Variants in SIPA1 observed in about 807,000 individuals in gnomAD.
SIPA1 encodes the protein signal-induced proliferation-associated 1.
SIPA1 carries 51 observed loss-of-function variants against 88.1 expected under a neutral mutation model. The ratio of observed to expected loss-of-function variants is 0.58; its 90% confidence interval spans 0.46 to 0.73. SIPA1 has a LOEUF of 0.73. SIPA1 is among the 30% of genes least tolerant of loss of function. The pLI, the probability that SIPA1 is intolerant of heterozygous loss-of-function variation, is 0.00. For synonymous variants in SIPA1, 681 were observed against 664.8 expected, an observed-to-expected ratio of 1.02 and a Z score of -0.37; for missense variants, 1,348 against 1,467.6, an observed-to-expected ratio of 0.92 and a Z score of 1.33.
intron 2 of SIPA1, 138 bp downstream of exon 2, chr11:65,641,738 C>G (rs1167328795): frequency 1.2e-6 from 1 of 809,352 alleles, no homozygotes; most frequent in Non-Finnish European, 1.9e-6. Flanking sequence ...AAGAGCTGAG[C>G]TGGGGTCCTC....
In SIPA1 at chr11:65,646,771, C is replaced by A; in HGVS notation, c.1737C>A (p.Gly579=). ...RGPGAELQAA[G]SLVWGVRAAP... is the part of the protein sequence containing the mutation. Reference sequence around the variant, plus strand: ...CAGGCGCCGAGCTGCAGGCAGCGGGCTCACTGGTGTGGGGAGTGCGCGCGG... The same window carrying A: ...CAGGCGCCGAGCTGCAGGCAGCGGGATCACTGGTGTGGGGAGTGCGCGCGG... Residue 579 remains glycine, a synonymous_variant, in exon 8 of 16, where the codon GGC becomes GGA. Transcript: ENST00000534313. This position sits in a 1 kb window ranked among gnomAD's most constrained non-coding sequence, Gnocchi z 7.5. 2 of 1,481,484 alleles carry A rather than the reference C, an allele frequency of 1.3e-6. No individual in the cohort carries two copies. The highest frequency in any genetic ancestry group is 1.8e-6 in the Non-Finnish European group (2 of 1,123,626). The allele number at this position is 1,481,484 out of a possible 1,614,324, so 91.8% of individuals were successfully genotyped here.
chr11:65,647,705 C>T (rs1265010532), intron 9 of SIPA1, 47 bp downstream of exon 9: 5 of 1,294,580 alleles, frequency 3.9e-6, no homozygotes, highest in Non-Finnish European at 4.9e-6. Flanking sequence ...GGCAGTTGGC[C>T]ACCGCGCAGT....
Position 65,649,686 on chromosome 11 carries a change from A to G in SIPA1, c.2637+14A>G. On this transcript the variant is annotated intron_variant, in intron 11 of 15. Coordinates refer to ENST00000534313, the MANE Select transcript of SIPA1 (RefSeq NM_006747.4). ...CCCCTGACCCAGGTGAGCAGAAACCAGGCTCTGGAGCCCAACAGCACAGTG... is the reference window on the plus strand; with the variant it reads ...CCCCTGACCCAGGTGAGCAGAAACCGGGCTCTGGAGCCCAACAGCACAGTG... The G allele has an allele frequency of 6.2e-7, 1 of 1,614,084 alleles. No homozygotes were observed. The highest frequency in any genetic ancestry group is 1.1e-5 in the South Asian group (1 of 91,090).
chr11:65,643,435 T>G (rs907808430), intron 4 of SIPA1, among the ~76,000 whole-genome samples: 1 of 152,236 alleles, frequency 6.6e-6, no homozygotes, highest in Non-Finnish European at 1.5e-5. Flanking sequence ...TCTGTATCAT[T>G]CAACCCATCA....
rs1338709671 is a variant in SIPA1 at position 65,650,427 on chromosome 11, A to C, written c.2930A>C (p.Lys977Thr). Residue 977 changes from lysine (K) to threonine (T), a missense_variant, in exon 15 of 16, where the codon AAG (lysine) becomes ACG (threonine). Coordinates refer to ENST00000534313, the MANE Select transcript of SIPA1 (RefSeq NM_006747.4). ...AEPEPGNLSE[K>T]VSHLESMLRK... The stretch of plus-strand genomic sequence containing the variant: ...CCAGAGCCTGGGAACCTCTCAGAGA[A>C]GGTCTCTCACTTGGAGTCCATGCTC... The C allele has an allele frequency of 3.7e-6, 6 of 1,613,928 alleles. No individual in the cohort carries two copies. The Admixed American group carries it at 8.3e-5, about 22-fold the overall frequency.
rs1276943093 is a variant in SIPA1 at position 65,646,664 on chromosome 11, G to A, written c.1630G>A (p.Val544Met). The A allele has an allele frequency of 6.5e-7, 1 of 1,547,032 alleles. No homozygotes were observed. The highest frequency in any genetic ancestry group is 1.2e-5 in the South Asian group (1 of 84,546). Residue 544 changes from valine to methionine, a missense_variant, in exon 8 of 16, where the codon GTG (valine) becomes ATG (methionine). Transcript: ENST00000534313. The surrounding 1 kb of genome is among the most constrained non-coding windows in gnomAD (Gnocchi z 7.5). ...CCTGCAAGACCTGGCCACCAACGAGGTGACCACTACGTCGCTGGACTCGGC... is the reference window on the plus strand; with the variant it reads ...CCTGCAAGACCTGGCCACCAACGAGATGACCACTACGTCGCTGGACTCGGC... ...QYLQDLATNEVTTTSLDSASR... is the reference protein window; with the variant it reads ...QYLQDLATNEMTTTSLDSASR...
chr11:65,649,214 G>C, intron 9 of SIPA1, 48 bp from the exon 10 acceptor site: 1 of 1,355,316 alleles, frequency 7.4e-7, no homozygotes, highest in South Asian at 1.5e-5. Context: ...AGTGATGCAG[G>C]ACGCTGGGGA....
At chr11:65,647,355 C>T (rs1000713922) in intron 8 of SIPA1, 29 bp from the exon 9 acceptor site, 8 of 1,386,972 alleles carry the variant, frequency 5.8e-6, no homozygotes, top group East Asian at 3.1e-5. Context: ...TCCCGGCAGC[C>T]CCGCCCACTC....
rs776007644 is a variant in SIPA1, at chr11:65,641,580, G to T, written c.659G>T (p.Arg220Leu). 6.2e-7 allele frequency: 1 copy of T among 1,608,968 alleles called. No homozygotes were observed. ...GCAGACCTGGGTGCTGGCTACTACC[G>T]CAAATACTTCTATGGCAAAGGTGAG... Reference protein sequence around the residue: ...EHADLGAGYYRKYFYGKEHQN... With the variant: ...EHADLGAGYYLKYFYGKEHQN... Residue 220 changes from arginine to leucine, a missense_variant, in exon 2 of 16, where the codon CGC (arginine) becomes CTC (leucine). Physicochemically the swap from Arg to Leu is moderately radical, Grantham distance 102 (BLOSUM62 -2). This residue lies in a region of SIPA1 where 641 missense variants were observed against 797.7 expected (regional missense o/e 0.80). Transcript: ENST00000534313.
At position 65,646,535 on chromosome 11, in the gene SIPA1, G is replaced by A. The variant is rs1179363234; in HGVS notation, c.1501G>A (p.Ala501Thr). 6.4e-7 allele frequency: 1 copy of A among 1,560,480 alleles called. No individual in the cohort carries two copies. Among genetic ancestry groups the A allele is most frequent in the Non-Finnish European group, 8.6e-7 (1 of 1,159,528 alleles). Residue 501 changes from alanine (A) to threonine (T), a missense_variant, in exon 8 of 16, where the codon GCC becomes ACC. This residue lies in a region of SIPA1 where 641 missense variants were observed against 797.7 expected (regional missense o/e 0.80). Coordinates refer to ENST00000534313, the MANE Select transcript of SIPA1 (RefSeq NM_006747.4). The surrounding 1 kb of genome is among the most constrained non-coding windows in gnomAD (Gnocchi z 7.5). ...PAGGGPFAAN[A>T]DFRAFLLAKA... ...TGGCGGAGGCCCCTTCGCAGCCAAC[G>A]CCGACTTCCGGGCCTTCCTGCTGGC...
intron 4 of SIPA1, among the ~76,000 whole-genome samples, chr11:65,644,288 G>C (rs1353581440): frequency 1.3e-5 from 2 of 151,612 alleles, no homozygotes; most frequent in African/African-American, 4.9e-5. Flanking sequence ...GAAGAGGGCG[G>C]GGTTCCTGGG....
In SIPA1 at chr11:65,646,649, C is replaced by T. The variant is rs1273683027; in HGVS notation, c.1615C>T (p.Leu539=). ...CACCCGCCAGCAGTACCTGCAAGACCTGGCCACCAACGAGGTGACCACTAC... is the reference window on the plus strand; with the variant it reads ...CACCCGCCAGCAGTACCTGCAAGACTTGGCCACCAACGAGGTGACCACTAC... ...TRTRQQYLQD[L]ATNEVTTTSL... Residue 539 remains leucine, a synonymous_variant, in exon 8 of 16, where the codon CTG becomes TTG. Transcript: ENST00000534313. The surrounding 1 kb of genome is among the most constrained non-coding windows in gnomAD (Gnocchi z 7.5). 1.3e-6 allele frequency: 2 copies of T among 1,548,582 alleles called. No individual in the cohort carries two copies. Among genetic ancestry groups the T allele is most frequent in the Non-Finnish European group, 1.7e-6 (2 of 1,149,776 alleles).
intron 14 of SIPA1, 73 bp from the exon 15 acceptor site, chr11:65,650,328 G>A (rs1856238643): frequency 6.4e-7 from 1 of 1,563,406 alleles, no homozygotes; most frequent in African/African-American, 1.4e-5. Flanking sequence ...CCTCTCATTA[G>A]CTGGGGCTGG....
In SIPA1 at chr11:65,646,448, C is replaced by G; in HGVS notation, c.1422-8C>G. 2 of 1,589,300 alleles carry G rather than the reference C, an allele frequency of 1.3e-6. No individual in the cohort carries two copies. The highest frequency in any genetic ancestry group is 1.7e-6 in the Non-Finnish European group (2 of 1,172,094). ...TGCCGCCCCTCACTAACGCCTCCCT[C>G]CCCGCAGGGTGGCCGTGAGCCGCAC... On this transcript the variant is annotated splice_region_variant and splice_polypyrimidine_tract_variant and intron_variant, in intron 7 of 15. Transcript: ENST00000534313. The surrounding 1 kb of genome is among the most constrained non-coding windows in gnomAD (Gnocchi z 7.5).
intron 9 of SIPA1, among the ~76,000 whole-genome samples, 198 bp downstream of exon 9, chr11:65,647,856 CCT>C (rs10652518): frequency 9.5e-5 from 14 of 147,088 alleles, no homozygotes; most frequent in Non-Finnish European, 2.0e-4. Flanking sequence ...GTCCTTCCTT[CCT>C]CTCTCTCTCC....
intron 4 of SIPA1, among the ~76,000 whole-genome samples, chr11:65,643,900 G>C (rs1213678660): frequency 6.6e-6 from 1 of 152,142 alleles, no homozygotes; most frequent in Non-Finnish European, 1.5e-5. Flanking sequence ...GAGAGGGGCA[G>C]CTCTCTGGCT....
Position 65,646,181 on chromosome 11 carries a change from C to G in SIPA1, c.1264-40C>G. ...CCTGAATGAGGAGGGGTTTGGGGCA[C>G]AGAAGACCTCATCACGAGCCCCTAC... On this transcript the variant is annotated intron_variant, in intron 6 of 15. Coordinates refer to ENST00000534313, the MANE Select transcript of SIPA1 (RefSeq NM_006747.4). This position sits in a 1 kb window ranked among gnomAD's most constrained non-coding sequence, Gnocchi z 7.5. 6.2e-7 allele frequency: 1 copy of G among 1,606,894 alleles called. No homozygotes were observed. The highest frequency in any genetic ancestry group is 8.5e-7 in the Non-Finnish European group (1 of 1,176,568).
At chr11:65,644,842 G>A (rs1565180643) in intron 4 of SIPA1, 113 bp from the exon 5 acceptor site, 1 of 1,076,982 alleles carries the variant, frequency 9.3e-7, no homozygotes, top group East Asian at 2.4e-5. Flanking sequence ...GGCACAAGTG[G>A]CTCAGAGAGG....
In SIPA1 at chr11:65,642,310, G is replaced by T. The variant is rs867156528; in HGVS notation, c.740G>T (p.Arg247Leu). 6.5e-7 allele frequency: 1 copy of T among 1,549,794 alleles called. No homozygotes were observed. Among genetic ancestry groups the T allele is most frequent in the East Asian group, 2.4e-5 (1 of 41,406 alleles). The change falls in exon 3 of 16, where the codon CGG (arginine) becomes CTG (leucine). Residue 247 changes from arginine (R) to leucine (L), a missense_variant. Physicochemically the swap from Arg to Leu is moderately radical, Grantham distance 102 (BLOSUM62 -2). Transcript: ENST00000534313. The surrounding 1 kb of genome is among the most constrained non-coding windows in gnomAD (Gnocchi z 6.5). ...SLGPVAVSLRREEKEGSGGGT... is the reference protein window; with the variant it reads ...SLGPVAVSLRLEEKEGSGGGT... ...GGCCCGGTGGCAGTGAGCCTGCGGC[G>T]GGAGGAGAAGGAGGGCAGCGGAGGG...
Sources: gnomAD v4.1 joint callset for allele counts (sites outside exome capture counted in the v4.1 genomes callset) on GRCh38, gnomAD v4.1.1 for gene constraint, gnomAD v4.1.1 regional missense constraint, Gnocchi (gnomAD v3.1) non-coding constraint, MANE v1.5 for transcripts, NCBI Gene and HGNC (gene_info 2026-07-23, HGNC 2026-07-21) for gene names.